The following ISYNA1 variants were observed in gnomAD, a reference collection of about 807,000 sequenced individuals.
ISYNA1 encodes inositol-3-phosphate synthase 1.
A neutral mutation model predicts 50.3 loss-of-function variants in ISYNA1; 34 were observed. The ratio of observed to expected loss-of-function variants is 0.68; its 90% confidence interval spans 0.51 to 0.90. The LOEUF is 0.90. ISYNA1 is among the 40% of genes least tolerant of loss of function. The probability of loss-of-function intolerance (pLI) is 0.00; values close to 1 mark genes in which losing one functional copy is unlikely to be tolerated. For missense variants in ISYNA1, 718 were observed against 784.8 expected (o/e 0.91, Z 1.02); for synonymous variants, 396 against 349.9 (o/e 1.13, Z -1.47).
In ISYNA1 at chr19:18,436,776, G is replaced by GCAGGGCCTCCATGTGCGGCCA. The variant is rs1568366698; in HGVS notation, c.496_516dup (p.Trp166_Leu172dup). On this transcript the variant is annotated inframe_insertion, in exon 5 of 11. Transcript: ENST00000338128. ...GGGATGTAAACAGAAGGCCGGGGCCGCAGGGCCTCCATGTGCGGCCACAGT... is the reference window on the plus strand; with the variant it reads ...GGGATGTAAACAGAAGGCCGGGGCCGCAGGGCCTCCATGTGCGGCCACAGGGCCTCCATGTGCGGCCACAGT... 1 of 1,576,758 alleles carries GCAGGGCCTCCATGTGCGGCCA rather than the reference G, an allele frequency of 6.3e-7. No individual in the cohort carries two copies. Among genetic ancestry groups the GCAGGGCCTCCATGTGCGGCCA allele is most frequent in the Non-Finnish European group, 8.6e-7 (1 of 1,164,472 alleles).
At position 18,435,416 on chromosome 19, in the gene ISYNA1, C is replaced by G. The variant is rs372975698; in HGVS notation, c.1322G>C (p.Ser441Thr). 2.5e-5 allele frequency: 41 copies of G among 1,610,892 alleles called. No individual in the cohort carries two copies. The highest frequency in any genetic ancestry group is 3.3e-5 in the Non-Finnish European group (39 of 1,179,946). ...ALLTELCQRV[S>T]FCTDMDPEPQ... ...CTCGGGGTCCATGTCAGTGCAGAAGCTCACGCGCTGGCACAGCTCGGTCAG... is the reference window on the plus strand; with the variant it reads ...CTCGGGGTCCATGTCAGTGCAGAAGGTCACGCGCTGGCACAGCTCGGTCAG... Residue 441 changes from serine to threonine, a missense_variant, in exon 10 of 11, where the codon AGC becomes ACC. Around this residue, in one of 3 missense-constraint regions of ISYNA1, gnomAD observed 305 missense variants for 292.6 expected, o/e 1.04. Transcript: ENST00000338128.
At position 18,434,785 on chromosome 19, in the gene ISYNA1, G is replaced by A; in HGVS notation, c.*128C>T. The stretch of plus-strand genomic sequence containing the variant: ...GGGAAGTAGAGGGAGGCAGAGTCAG[G>A]TCACAGGCCCCAAGAACCCCAGGTG... On this transcript the variant is annotated 3_prime_UTR_variant, in exon 11 of 11. Transcript: ENST00000338128. 1.3e-6 allele frequency: 1 copy of A among 784,514 alleles called. No individual in the cohort carries two copies. Among genetic ancestry groups the A allele is most frequent in the Non-Finnish European group, 2.1e-6 (1 of 472,108 alleles). 48.6% of individuals were successfully genotyped at this position (784,514 alleles called of 1,614,324 possible).
At chr19:18,436,307 G>C (rs769393805) in intron 6 of ISYNA1, 23 bp downstream of exon 6, 6 of 1,610,184 alleles carry the variant, frequency 3.7e-6, no homozygotes, top group African/African-American at 1.3e-5. Flanking sequence ...TGCCTGACCC[G>C]CTCCACCCGG....
intron 6 of ISYNA1, 25 bp downstream of exon 6, chr19:18,436,305 C>T: frequency 2.5e-6 from 4 of 1,610,164 alleles, no homozygotes; most frequent in Non-Finnish European, 3.4e-6. Flanking sequence ...CCTGCCTGAC[C>T]CGCTCCACCC....
Position 18,434,982 on chromosome 19 carries a change from A to G in ISYNA1, c.1608T>C (p.Ala536=), listed in dbSNP as rs759499204. 1.9e-6 allele frequency: 3 copies of G among 1,613,504 alleles called. No individual in the cohort carries two copies. Among genetic ancestry groups the G allele is most frequent in the Non-Finnish European group, 2.5e-6 (3 of 1,180,002 alleles). The part of the protein sequence containing the change: ...PMLNKKGPVP[A]ATNGCTGDAN... ...CATCACCGGTGCAGCCATTGGTGGC[A>G]GCGGGTACCGGTCCTTTCTTGTTCA... Residue 536 remains alanine (A), a synonymous_variant, in exon 11 of 11, where the codon GCT becomes GCC. Coordinates refer to ENST00000338128, the MANE Select transcript of ISYNA1 (RefSeq NM_016368.5).
At chr19:18,435,186 T>C in intron 10 of ISYNA1, 69 bp from the exon 11 acceptor site, 1 of 1,596,768 alleles carries the variant, frequency 6.3e-7, no homozygotes, top group Non-Finnish European at 8.6e-7. Flanking sequence ...CCCTGCCACC[T>C]ACAGCCCCCC....
At chr19:18,437,344 G>C (rs1473589568) in intron 3 of ISYNA1, 1 of 1,388,564 alleles carries the variant, frequency 7.2e-7, no homozygotes, top group African/African-American at 1.5e-5. Context: ...ACCCTTCCAC[G>C]GGGTCCGCCT....
rs1369407428 is a variant in ISYNA1, at chr19:18,437,772, C to A, written c.121-12G>T. 1.9e-6 allele frequency: 3 copies of A among 1,589,630 alleles called. No homozygotes were observed. On this transcript the variant is annotated splice_polypyrimidine_tract_variant and intron_variant, in intron 2 of 10. Transcript: ENST00000338128. ...GACGTGGGGTGCACCTGAAGACAGG[C>A]CGCGCAGTGAATCCCGGGTCCCGTG...
chr19:18,436,282 GTC>G, intron 6 of ISYNA1, 35 bp from the exon 7 acceptor site: 1 of 1,608,500 alleles, frequency 6.2e-7, no homozygotes, highest in Non-Finnish European at 8.5e-7. Flanking sequence ...ACAGAGCTGT[GTC>G]TGTGACTGGC....
intron 1 of ISYNA1, 39 bp downstream of exon 1, chr19:18,438,054 G>A (rs1406195956): frequency 6.9e-7 from 1 of 1,453,998 alleles, no homozygotes; most frequent in Admixed American, 2.2e-5. Context: ...GCCAGCCTGG[G>A]TCCCCACGGA....
At position 18,436,483 on chromosome 19, in the gene ISYNA1, T is replaced by G. The variant is rs755653777; in HGVS notation, c.610-4A>C. On this transcript the variant is annotated splice_polypyrimidine_tract_variant and splice_region_variant and intron_variant, in intron 5 of 10. Transcript: ENST00000338128. Reference sequence around the variant, plus strand: ...TGTCCCTGCGGATCTGCTCCAGCTGTGGGTTGGATGGTGAGGGTGTGGGGA... The same window carrying G: ...TGTCCCTGCGGATCTGCTCCAGCTGGGGGTTGGATGGTGAGGGTGTGGGGA... 2.4e-5 allele frequency: 39 copies of G among 1,603,482 alleles called. No individual in the cohort carries two copies. The South Asian group carries it at 4.3e-4, about 18-fold the overall frequency.
Position 18,437,904 on chromosome 19 carries a change from C to A in ISYNA1, c.76G>T (p.Glu26Ter), listed in dbSNP as rs765858799. The A allele has an allele frequency of 4.3e-6, 7 of 1,611,982 alleles. No homozygotes were observed. Among genetic ancestry groups the A allele is most frequent in the Non-Finnish European group, 8.5e-7 (1 of 1,179,738 alleles). The change falls in exon 2 of 11, where the codon GAG (glutamate) becomes TAG (stop). Residue 26 changes from glutamate to a stop codon, truncating the protein, a stop_gained. Transcript: ENST00000338128. LOFTEE classifies it high-confidence loss of function. ...CGGCTGACGCGCGTCGTCCGGTACT[C>A]GTATTGCGCCTCGATGGCCTCGGGG... The part of the protein sequence containing the change: ...YGPEAIEAQY[E>*]YRTTRVSREG...
intron 3 of ISYNA1, 130 bp from the exon 4 acceptor site, chr19:18,437,235 A>T: frequency 6.9e-7 from 1 of 1,442,494 alleles, no homozygotes; most frequent in Non-Finnish European, 9.1e-7. Flanking sequence ...GCTCACAGCC[A>T]GGACGGAAGC....
At chr19:18,437,830 C>T (rs1270621323) in intron 2 of ISYNA1, 30 bp downstream of exon 2, 1 of 1,610,238 alleles carries the variant, frequency 6.2e-7, no homozygotes, top group African/African-American at 1.3e-5. Flanking sequence ...CTCTCCCCAG[C>T]ACGCCTCCTT....
chr19:18,435,421 G>C lies in ISYNA1; in HGVS notation c.1317C>G (p.Arg439=). 6.2e-7 allele frequency: 1 copy of C among 1,610,802 alleles called. No homozygotes were observed. The highest frequency in any genetic ancestry group is 1.1e-5 in the South Asian group (1 of 91,088). The change falls in exon 10 of 11, where the codon CGC becomes CGG. Residue 439 remains arginine, a synonymous_variant. Coordinates refer to ENST00000338128, the MANE Select transcript of ISYNA1 (RefSeq NM_016368.5). ...GGTCCATGTCAGTGCAGAAGCTCAC[G>C]CGCTGGCACAGCTCGGTCAGCAGCG... ...DLALLTELCQ[R]VSFCTDMDPE...
At position 18,436,888 on chromosome 19, in the gene ISYNA1, C is replaced by T. The variant is rs1347495599; in HGVS notation, c.416-11G>A. The T allele has an allele frequency of 6.3e-7, 1 of 1,595,810 alleles. No homozygotes were observed. Among genetic ancestry groups the T allele is most frequent in the East Asian group, 2.2e-5 (1 of 44,696 alleles). ...ACGAGATGTCCCAGCCTGGGGGGAC[C>T]CTCACACTCGGCCCTGCCCGGATCC... On this transcript the variant is annotated splice_polypyrimidine_tract_variant and intron_variant, in intron 4 of 10. Coordinates refer to ENST00000338128, the MANE Select transcript of ISYNA1 (RefSeq NM_016368.5).
Position 18,436,495 on chromosome 19 carries a change from TGAGGGTGTGGGGAGGATGGA to T in ISYNA1, c.610-36_610-17del. 1.2e-6 allele frequency: 2 copies of T among 1,601,890 alleles called. No homozygotes were observed. Among genetic ancestry groups the T allele is most frequent in the Non-Finnish European group, 1.7e-6 (2 of 1,179,520 alleles). On this transcript the variant is annotated splice_polypyrimidine_tract_variant and intron_variant, in intron 5 of 10. Coordinates refer to ENST00000338128, the MANE Select transcript of ISYNA1 (RefSeq NM_016368.5). ...TCTGCTCCAGCTGTGGGTTGGATGG[TGAGGGTGTGGGGAGGATGGA>T]GAGGGTGTAGGGAAGTTGGTTGTAC...
Position 18,436,892 on chromosome 19 carries a change from A to T in ISYNA1, c.416-15T>A. On this transcript the variant is annotated splice_polypyrimidine_tract_variant and intron_variant, in intron 4 of 10. Coordinates refer to ENST00000338128, the MANE Select transcript of ISYNA1 (RefSeq NM_016368.5). ...GATGTCCCAGCCTGGGGGGACCCTCACACTCGGCCCTGCCCGGATCCTGGG... is the reference window on the plus strand; with the variant it reads ...GATGTCCCAGCCTGGGGGGACCCTCTCACTCGGCCCTGCCCGGATCCTGGG... 1.3e-6 allele frequency: 2 copies of T among 1,595,206 alleles called. No homozygotes were observed. Among genetic ancestry groups the T allele is most frequent in the South Asian group, 2.2e-5 (2 of 89,392 alleles).
rs780728546 is a variant in ISYNA1, at chr19:18,434,958, A to T, written c.1632T>A (p.Asp544Glu). 3.7e-6 allele frequency: 6 copies of T among 1,613,388 alleles called. No individual in the cohort carries two copies. The highest frequency in any genetic ancestry group is 5.1e-6 in the Non-Finnish European group (6 of 1,180,014). The change falls in exon 11 of 11, where the codon GAT becomes GAA. Residue 544 changes from aspartate (D) to glutamate (E), a missense_variant. Physicochemically the swap from Asp to Glu is conservative, Grantham distance 45. Around this residue, in one of 3 missense-constraint regions of ISYNA1, gnomAD observed 305 missense variants for 292.6 expected, o/e 1.04. Transcript: ENST00000338128. ...GCTCCTCTTGCAGATGCCCATTGGC[A>T]TCACCGGTGCAGCCATTGGTGGCAG... The part of the protein sequence containing the change: ...VPAATNGCTG[D>E]ANGHLQEEPP...
Sources: gnomAD v4.1 joint callset for allele counts on GRCh38, gnomAD v4.1.1 for gene constraint, gnomAD v4.1.1 regional missense constraint, MANE v1.5 for transcripts, NCBI Gene and HGNC (gene_info 2026-07-23, HGNC 2026-07-21) for gene names.